Variants in CFAP52 observed in about 807,000 individuals in gnomAD.
CFAP52 encodes the protein cilia and flagella associated protein 52, also known as cilia- and flagella-associated protein 52.
Under a neutral mutation model 70.5 loss-of-function variants are expected in CFAP52, and 57 were observed. The ratio of observed to expected loss-of-function variants is 0.81; its 90% CI spans 0.65 to 1.01. CFAP52 has a LOEUF of 1.01. CFAP52 is among the 50% of genes least tolerant of loss of function. The pLI is 0.00. For synonymous variants in CFAP52, 267 were observed against 292.5 expected (o/e 0.91, Z 0.89); for missense variants, 785 against 788.5 (o/e 1.00, Z 0.05).
chr17:9,630,078 T>C (rs766542481), intron 9 of CFAP52, among the ~76,000 whole-genome samples: 8 of 151,674 alleles, frequency 5.3e-5, no homozygotes, highest in Non-Finnish European at 1.0e-4. Flanking sequence ...CACATCCACA[T>C]CCCCTGCTGA....
chr17:9,580,234 T>C (rs1357258452), intron 1 of CFAP52, among the ~76,000 whole-genome samples: 1 of 151,938 alleles, frequency 6.6e-6, no homozygotes, highest in African/African-American at 2.4e-5. Flanking sequence ...TATGGCTGCT[T>C]TTATACCACA....
Position 9,612,416 on chromosome 17 carries a change from A to G in CFAP52, c.962A>G (p.Asp321Gly), listed in dbSNP as rs770407483. 1.9e-6 allele frequency: 3 copies of G among 1,614,220 alleles called. No individual in the cohort carries two copies. The Admixed American group carries it at 5.0e-5, about 27-fold the overall frequency. ...CACATTTATCGTGTCAGCTTCACGG[A>G]TTTCAAAGAGACGCTCATAGCGACT... ...ESHIYRVSFT[D>G]FKETLIATCH... The change falls in exon 8 of 14, where the codon GAT (aspartate) becomes GGT (glycine). Residue 321 changes from aspartate (D) to glycine (G), a missense_variant. Asp to Gly is a moderately conservative substitution (Grantham distance 94). Coordinates refer to ENST00000352665, the MANE Select transcript of CFAP52 (RefSeq NM_145054.5).
chr17:9,603,840 A>T (rs534747628), intron 6 of CFAP52, among the ~76,000 whole-genome samples: 26 of 152,274 alleles, frequency 1.7e-4, no homozygotes, highest in South Asian at 1.2e-3. Flanking sequence ...TATAATTTTT[A>T]AAAAAAGAAA....
intron 8 of CFAP52, among the ~76,000 whole-genome samples, chr17:9,622,544 TA>T (rs766869580): frequency 1.6e-4 from 23 of 146,446 alleles, no homozygotes; most frequent in East Asian, 1.4e-3. Flanking sequence ...CTGTTTCTAT[TA>T]AAAAAAAAAG....
At chr17:9,636,325 C>T (rs1910802529) in intron 11 of CFAP52, among the ~76,000 whole-genome samples, 1 of 152,152 alleles carries the variant, frequency 6.6e-6, no homozygotes, top group Non-Finnish European at 1.5e-5. Context: ...GAATGAACTT[C>T]CCATGGAGGG....
At chr17:9,637,622 C>T (rs984038834) in intron 11 of CFAP52, among the ~76,000 whole-genome samples, 1 of 152,168 alleles carries the variant, frequency 6.6e-6, no homozygotes, top group Non-Finnish European at 1.5e-5. Flanking sequence ...CCTGGCCAGG[C>T]GTGCTGCAGT....
chr17:9,609,238 T>C (rs1484282888), intron 7 of CFAP52, among the ~76,000 whole-genome samples: 1 of 84,050 alleles, frequency 1.2e-5, no homozygotes, highest in Non-Finnish European at 3.3e-5. Flanking sequence ...ACATAAAAGA[T>C]GAAAAAAAAA....
chr17:9,637,584 A>C (rs551646669), intron 11 of CFAP52, among the ~76,000 whole-genome samples: 1 of 152,290 alleles, frequency 6.6e-6, no homozygotes, highest in African/African-American at 2.4e-5. Flanking sequence ...CATAAAAATC[A>C]ACTGAAATGC....
At chr17:9,623,349 T>C (rs1000522742) in intron 8 of CFAP52, among the ~76,000 whole-genome samples, 1 of 152,182 alleles carries the variant, frequency 6.6e-6, no homozygotes, top group Non-Finnish European at 1.5e-5. Context: ...TGAAACAGCA[T>C]ATACTTGGTT....
chr17:9,633,229 G>T (rs147867103), intron 10 of CFAP52, among the ~76,000 whole-genome samples, 196 bp downstream of exon 10: 1 of 152,168 alleles, frequency 6.6e-6, no homozygotes, highest in Non-Finnish European at 1.5e-5. Context: ...TTGAAATGGA[G>T]TCTCACTCTG....
At chr17:9,591,024 A>C (rs1369100633) in intron 3 of CFAP52, among the ~76,000 whole-genome samples, 2 of 129,512 alleles carry the variant, frequency 1.5e-5, no homozygotes, top group Admixed American at 8.8e-5. Context: ...TATAGTTTGC[A>C]TGCATCTTTT....
chr17:9,612,235 T>C, intron 7 of CFAP52, 74 bp from the exon 8 acceptor site: 1 of 1,542,776 alleles, frequency 6.5e-7, no homozygotes, highest in Middle Eastern at 1.7e-4. Flanking sequence ...TTGTATCCTC[T>C]GCCATGCTTC....
intron 6 of CFAP52, 46 bp from the exon 7 acceptor site, chr17:9,608,073 T>G: frequency 2.0e-6 from 3 of 1,526,366 alleles, no homozygotes; most frequent in Non-Finnish European, 2.7e-6. Context: ...TTAGTGGTGA[T>G]TTGTGAGATT....
intron 9 of CFAP52, among the ~76,000 whole-genome samples, chr17:9,629,923 CCTT>C (rs1475176515): frequency 6.6e-6 from 1 of 151,910 alleles, no homozygotes; most frequent in Non-Finnish European, 1.5e-5. Context: ...GTCTTCTCCT[CCTT>C]GTTAGCGTCC....
intron 6 of CFAP52, among the ~76,000 whole-genome samples, chr17:9,606,600 C>G (rs908257041): frequency 1.3e-5 from 2 of 152,190 alleles, no homozygotes; most frequent in East Asian, 1.9e-4. Context: ...AGTAATAGAG[C>G]TGAGATTTCA....
chr17:9,638,764 G>A, intron 12 of CFAP52, 53 bp downstream of exon 12: 1 of 1,580,470 alleles, frequency 6.3e-7, no homozygotes, highest in Admixed American at 1.7e-5. Context: ...GAAAAGCAGT[G>A]AGGCGTTGTG....
intron 3 of CFAP52, among the ~76,000 whole-genome samples, chr17:9,587,697 T>C (rs1908559583): frequency 2.0e-5 from 3 of 152,204 alleles, no homozygotes; most frequent in Admixed American, 2.0e-4. Flanking sequence ...GTCCTTTGCC[T>C]GCTTTTTAAT....
intron 4 of CFAP52, among the ~76,000 whole-genome samples, chr17:9,595,047 C>T (rs1235163671): frequency 1.3e-5 from 2 of 152,068 alleles, no homozygotes; most frequent in Non-Finnish European, 2.9e-5. Flanking sequence ...CCCGCCAACA[C>T]ACCCGGCTAA....
chr17:9,612,181 CTG>C (rs1234882113), intron 7 of CFAP52, 126 bp from the exon 8 acceptor site: 4 of 1,227,744 alleles, frequency 3.3e-6, no homozygotes, highest in Non-Finnish European at 4.5e-6. Flanking sequence ...GCCTTTTCAA[CTG>C]TGTCACTTCT....
Sources: allele counts gnomAD v4.1 joint callset (sites outside exome capture counted in the v4.1 genomes callset), GRCh38; gene constraint gnomAD v4.1.1; transcripts MANE v1.5; gene names NCBI Gene and HGNC (gene_info 2026-07-23, HGNC 2026-07-21).